The following COPA variants were observed in gnomAD, a reference collection of about 807,000 sequenced individuals.
COPA encodes coat protein complex I subunit alpha.
COPA carries 10 observed loss-of-function variants against 158.7 expected under a neutral mutation model. The observed-to-expected ratio is 0.06, with a 90% confidence interval of 0.04 to 0.11. COPA has a LOEUF of 0.11. Ranked by LOEUF, COPA falls within the 10% of genes least tolerant of loss-of-function variation. The probability of loss-of-function intolerance (pLI) is 1.00; values close to 1 mark genes in which losing one functional copy is unlikely to be tolerated. For missense variants in COPA, 1,065 were observed against 1,536.7 expected (o/e 0.69, Z 5.13); for synonymous variants, 462 against 542.8 (o/e 0.85, Z 2.07).
Position 160,339,993 on chromosome 1 carries a change from A to G in COPA, c.155-11T>C. The G allele has an allele frequency of 1.2e-6, 2 of 1,613,988 alleles. No homozygotes were observed. Among genetic ancestry groups the G allele is most frequent in the Non-Finnish European group, 1.7e-6 (2 of 1,179,824 alleles). ...TGCCTCGCACTGGACCTGGTGGAGAAGGCAGGCAATGTATGTTAGACAGAG... is the reference window on the plus strand; with the variant it reads ...TGCCTCGCACTGGACCTGGTGGAGAGGGCAGGCAATGTATGTTAGACAGAG... On this transcript the variant is annotated splice_polypyrimidine_tract_variant and intron_variant, in intron 2 of 32. Coordinates refer to ENST00000241704, the MANE Select transcript of COPA (RefSeq NM_004371.4).
At chr1:160,318,861 C>T (rs182705938) in intron 8 of COPA, among the ~76,000 whole-genome samples, 1 of 150,878 alleles carries the variant, frequency 6.6e-6, no homozygotes, top group African/African-American at 2.4e-5. Context: ...AATTACAGCA[C>T]AAAAACTATT....
intron 8 of COPA, chr1:160,317,805 C>T: frequency 1.3e-6 from 1 of 785,758 alleles, no homozygotes; most frequent in Non-Finnish European, 2.2e-6. Flanking sequence ...AAAACTGGCA[C>T]CCCATCTCTT....
rs1659399158 is a variant in COPA at position 160,323,528 on chromosome 1, A to C, written c.609T>G (p.Gly203=). The C allele has an allele frequency of 6.2e-7, 1 of 1,607,594 alleles. No individual in the cohort carries two copies. Among genetic ancestry groups the C allele is most frequent in the Non-Finnish European group, 8.5e-7 (1 of 1,176,310 alleles). Reference sequence around the variant, plus strand: ...CAGCCCAGTTTACTCCACGATCGTGACCCTGTAGAAAAGAGTGGTTCTTCT... The same window carrying C: ...CAGCCCAGTTTACTCCACGATCGTGCCCCTGTAGAAAAGAGTGGTTCTTCT... ...TDAVVKHVLE[G]HDRGVNWAAF... The change falls in exon 8 of 33, where the codon GGT becomes GGG. Residue 203 remains glycine (G), a splice_region_variant and synonymous_variant. Transcript: ENST00000241704.
intron 17 of COPA, among the ~76,000 whole-genome samples, chr1:160,302,943 T>G (rs1347641641): frequency 6.6e-6 from 1 of 152,006 alleles, no homozygotes; most frequent in African/African-American, 2.4e-5. Flanking sequence ...GAAGCTGATG[T>G]GGGAGGATGG....
At chr1:160,292,356 C>T in intron 28 of COPA, 128 bp downstream of exon 28, 1 of 1,575,282 alleles carries the variant, frequency 6.3e-7, no homozygotes, top group Non-Finnish European at 8.6e-7. Context: ...CATAGAGTAA[C>T]AAACCAAAGA....
chr1:160,311,259 C>T (rs1406040064), intron 11 of COPA, among the ~76,000 whole-genome samples: 1 of 150,528 alleles, frequency 6.6e-6, no homozygotes, highest in African/African-American at 2.4e-5. Context: ...ACCAACACAG[C>T]GAAACCCCGT....
chr1:160,327,344 C>T lies in COPA; in HGVS notation c.497-1692G>A, dbSNP rs556436556. 2.0e-3 allele frequency among the ~76,000 whole-genome samples: 306 copies of T among 151,774 alleles called. 1 individual carries two copies. Among genetic ancestry groups the T allele is most frequent in the Non-Finnish European group, 3.4e-3 (229 of 67,962 alleles). On this transcript the variant is annotated intron_variant, in intron 6 of 32. Transcript: ENST00000241704. ...CGCAGGTCAGGAGTTTGAGGTCTGC[C>T]TGGCTAACATGGCAAAACCCCGTCT...
chr1:160,335,649 C>T (rs773982526), intron 3 of COPA, among the ~76,000 whole-genome samples: 11 of 151,770 alleles, frequency 7.2e-5, no homozygotes, highest in African/African-American at 2.2e-4. Context: ...TTTGGGAGGT[C>T]GAGGCGGGTG....
intron 25 of COPA, 57 bp from the exon 26 acceptor site, chr1:160,293,520 GGTCACACTCT>G (rs1001111292): frequency 9.6e-5 from 126 of 1,312,068 alleles, no homozygotes; most frequent in Middle Eastern, 2.4e-4. Context: ...TTTGAGACAG[GGTCACACTCT>G]GTCACCTAGA....
Position 160,325,570 on chromosome 1 carries a change from T to C in COPA, c.579A>G (p.Thr193=). 1 of 1,614,204 alleles carries C rather than the reference T, an allele frequency of 6.2e-7. No individual in the cohort carries two copies. The highest frequency in any genetic ancestry group is 8.5e-7 in the Non-Finnish European group (1 of 1,180,018). ...CTAGTACATGCTTCACCACTGCATC[T>C]GTAGTTCCAAATAGATCAACCCCAG... The part of the protein sequence containing the change: ...GITGVDLFGT[T]DAVVKHVLEG... Residue 193 remains threonine, a synonymous_variant, in exon 7 of 33, where the codon ACA becomes ACG. Coordinates refer to ENST00000241704, the MANE Select transcript of COPA (RefSeq NM_004371.4).
intron 20 of COPA, 46 bp downstream of exon 20, chr1:160,297,510 C>T: frequency 6.2e-7 from 1 of 1,612,490 alleles, no homozygotes; most frequent in Non-Finnish European, 8.5e-7. Flanking sequence ...CACCTTCCTC[C>T]TTCCCCCAAG....
At chr1:160,337,154 T>C (rs762255770) in intron 3 of COPA, among the ~76,000 whole-genome samples, 3 of 152,242 alleles carry the variant, frequency 2.0e-5, no homozygotes, top group Non-Finnish European at 4.4e-5. Flanking sequence ...TAAACTTTCA[T>C]ATTTCTAGTT....
intron 6 of COPA, 151 bp from the exon 7 acceptor site, chr1:160,325,803 C>A: frequency 1.6e-6 from 1 of 643,222 alleles, no homozygotes; most frequent in Admixed American, 2.9e-5. Flanking sequence ...ATTCCTATTT[C>A]TAAAAATGTT....
chr1:160,307,788 G>A (rs999476892), intron 13 of COPA, among the ~76,000 whole-genome samples: 1 of 152,240 alleles, frequency 6.6e-6, no homozygotes, highest in Non-Finnish European at 1.5e-5. Context: ...TCACCCTGAA[G>A]AGAGTTACAA....
intron 8 of COPA, among the ~76,000 whole-genome samples, chr1:160,318,492 CAA>C (rs1184111001): frequency 1.7e-5 from 1 of 58,080 alleles, no homozygotes; most frequent in African/African-American, 1.0e-4. Context: ...AAAAAAAAAA[CAA>C]AAAAAAAAAA....
At chr1:160,314,467 CAAAAAATACA>C (rs1659072821) in intron 8 of COPA, among the ~76,000 whole-genome samples, 1 of 152,038 alleles carries the variant, frequency 6.6e-6, no homozygotes, top group Non-Finnish European at 1.5e-5. Context: ...CCCATCTCTA[CAAAAAATACA>C]AAAATTAACT....
chr1:160,301,917 A>C (rs1289907781), intron 17 of COPA, among the ~76,000 whole-genome samples: 1 of 152,128 alleles, frequency 6.6e-6, no homozygotes, highest in East Asian at 1.9e-4. Context: ...AGGGATATAC[A>C]TTTTAAAAAT....
At chr1:160,298,765 C>T in intron 19 of COPA, 80 bp downstream of exon 19, 1 of 1,530,958 alleles carries the variant, frequency 6.5e-7, no homozygotes, top group East Asian at 2.3e-5. Flanking sequence ...AGAAGCAAGC[C>T]CAGAATAATG....
chr1:160,295,960 C>G, intron 22 of COPA, 101 bp from the exon 23 acceptor site: 1 of 1,580,194 alleles, frequency 6.3e-7, no homozygotes, highest in Non-Finnish European at 8.6e-7. Context: ...CTCTGCCTCT[C>G]CTGGTAACCA....
Sources: gnomAD v4.1 joint callset for allele counts (sites outside exome capture counted in the v4.1 genomes callset) on GRCh38, gnomAD v4.1.1 for gene constraint, MANE v1.5 for transcripts, NCBI Gene and HGNC (gene_info 2026-07-23, HGNC 2026-07-21) for gene names.